The following AFG2A variants were observed in gnomAD, a reference collection of about 807,000 sequenced individuals.
AFG2A encodes the protein AAA ATPase AFG2A.
chr4:123,175,479 C>T, the AFG2A span, among the ~76,000 whole-genome samples: 1 of 152,082 alleles, frequency 6.6e-6, no homozygotes, highest in Non-Finnish European at 1.5e-5. Context: ...TTTGAAAAAT[C>T]AGTTGGTAAA....
the AFG2A span, among the ~76,000 whole-genome samples, chr4:123,229,315 C>T: frequency 2.0e-5 from 3 of 151,810 alleles, no homozygotes; most frequent in East Asian, 5.8e-4. Flanking sequence ...AGAGATTGGA[C>T]ACAAAAGATC....
the AFG2A span, among the ~76,000 whole-genome samples, chr4:122,968,939 A>G: frequency 1.3e-5 from 2 of 152,200 alleles, no homozygotes; most frequent in African/African-American, 4.8e-5. Flanking sequence ...CCTGTCAAGT[A>G]TCTATTCAAT....
At chr4:123,171,158 C>T in the AFG2A span, among the ~76,000 whole-genome samples, 1 of 152,172 alleles carries the variant, frequency 6.6e-6, no homozygotes, top group Non-Finnish European at 1.5e-5. Flanking sequence ...ATGTCTGGAA[C>T]ACGGAAGTAA....
chr4:123,140,274 A>G, the AFG2A span, among the ~76,000 whole-genome samples: 1 of 152,094 alleles, frequency 6.6e-6, no homozygotes, highest in Non-Finnish European at 1.5e-5. Context: ...TTTAAATTGA[A>G]TCTGCTTTCA....
chr4:123,181,352 A>G, the AFG2A span, among the ~76,000 whole-genome samples: 4 of 151,992 alleles, frequency 2.6e-5, no homozygotes, highest in East Asian at 1.9e-4. Context: ...TGATTCACAC[A>G]TGGTAGTTCC....
chr4:122,940,870 C>T, the AFG2A span, among the ~76,000 whole-genome samples: 2 of 151,204 alleles, frequency 1.3e-5, no homozygotes, highest in Admixed American at 6.6e-5. Flanking sequence ...GTTTTCCCAG[C>T]ACCATTTATT....
the AFG2A span, among the ~76,000 whole-genome samples, chr4:123,001,749 A>G: frequency 9.2e-5 from 14 of 152,082 alleles, no homozygotes; most frequent in East Asian, 1.9e-4. Context: ...TGGAATAGGT[A>G]TGGTGTGGTG....
At chr4:122,991,179 T>C in the AFG2A span, among the ~76,000 whole-genome samples, 1 of 152,346 alleles carries the variant, frequency 6.6e-6, no homozygotes, top group Non-Finnish European at 1.5e-5. Flanking sequence ...TGCAGTTTTG[T>C]ACTCCTATGA....
the AFG2A span, among the ~76,000 whole-genome samples, chr4:123,038,356 T>C: frequency 6.6e-6 from 1 of 152,098 alleles, no homozygotes. Flanking sequence ...GCTGCTCTCT[T>C]CCATTTTTAA....
At chr4:122,982,754 C>T in the AFG2A span, among the ~76,000 whole-genome samples, 1 of 151,538 alleles carries the variant, frequency 6.6e-6, no homozygotes, top group African/African-American at 2.4e-5. Context: ...CTTGGTTGGC[C>T]AAATTGTTGC....
the AFG2A span, among the ~76,000 whole-genome samples, chr4:123,190,237 T>C: frequency 2.0e-5 from 3 of 152,302 alleles, no homozygotes; most frequent in Admixed American, 6.5e-5. Flanking sequence ...CCTGATGACA[T>C]TGTATGCACC....
chr4:123,055,201 T>G, the AFG2A span, among the ~76,000 whole-genome samples: 10 of 152,206 alleles, frequency 6.6e-5, no homozygotes, highest in Admixed American at 5.9e-4. Flanking sequence ...GTAAAGACCT[T>G]AAGAGCTCTT....
the AFG2A span, among the ~76,000 whole-genome samples, chr4:123,053,594 C>T: frequency 6.6e-6 from 1 of 152,154 alleles, no homozygotes; most frequent in Non-Finnish European, 1.5e-5. Context: ...AGACTGGGCT[C>T]CCTTGGAATC....
the AFG2A span, among the ~76,000 whole-genome samples, chr4:123,023,798 C>T: frequency 1.3e-5 from 2 of 152,174 alleles, no homozygotes; most frequent in East Asian, 3.9e-4. Flanking sequence ...TACCCACTGC[C>T]AGCTACCCTG....
At chr4:123,300,351 T>A in the AFG2A span, among the ~76,000 whole-genome samples, 5 of 152,208 alleles carry the variant, frequency 3.3e-5, no homozygotes, top group Non-Finnish European at 7.3e-5. Flanking sequence ...GTTATTTCCT[T>A]CCGTTACCTC....
chr4:123,210,475 G>T, the AFG2A span, among the ~76,000 whole-genome samples: 1 of 152,116 alleles, frequency 6.6e-6, no homozygotes, highest in Non-Finnish European at 1.5e-5. Context: ...TTCACTTTAT[G>T]TGATGTCCTC....
the AFG2A span, among the ~76,000 whole-genome samples, chr4:123,166,698 T>A: frequency 1.3e-5 from 2 of 152,166 alleles, no homozygotes; most frequent in South Asian, 2.1e-4. Flanking sequence ...CTCACCTAGT[T>A]GGGGAGAAAA....
the AFG2A span, among the ~76,000 whole-genome samples, chr4:123,131,690 A>G: frequency 2.0e-5 from 3 of 152,160 alleles, no homozygotes; most frequent in East Asian, 1.9e-4. Context: ...ATATTTTATT[A>G]TATGTATATA....
At chr4:123,230,687 C>CCCA in the AFG2A span, among the ~76,000 whole-genome samples, 1 of 152,026 alleles carries the variant, frequency 6.6e-6, no homozygotes, top group African/African-American at 2.4e-5. Flanking sequence ...GTTTACTTTG[C>CCCA]CCATATTCAT....
Sources: gnomAD v4.1 joint callset for allele counts (sites outside exome capture counted in the v4.1 genomes callset) on GRCh38, gnomAD v4.1.1 for gene constraint, MANE v1.5 for transcripts, NCBI Gene and HGNC (gene_info 2026-07-23, HGNC 2026-07-21) for gene names.